Variants in PLCB4 observed in about 807,000 individuals in gnomAD.
PLCB4 encodes the protein 1-phosphatidylinositol 4,5-bisphosphate phosphodiesterase beta-4.
PLCB4 carries 77 observed loss-of-function variants against 178.8 expected under a neutral mutation model. The ratio of observed to expected loss-of-function variants is 0.43; its 90% confidence interval spans 0.36 to 0.52. PLCB4 has a LOEUF of 0.52. PLCB4 is among the 20% of genes least tolerant of loss of function. The pLI is 0.00. For missense variants in PLCB4, 1,024 were observed against 1,453.4 expected (o/e 0.70, Z 4.80); for synonymous variants, 496 against 490.8 (o/e 1.01, Z -0.14).
chr20:9,078,179 C>T lies in PLCB4; in HGVS notation c.-135+8973C>T, dbSNP rs2089966105. On this transcript the variant is annotated intron_variant, in intron 1 of 39. Coordinates refer to ENST00000378473, the MANE Select transcript of PLCB4 (RefSeq NM_001377142.1). Reference sequence around the variant, plus strand: ...CTGTTTTTGTAGAGACAGGGTCTCGCTATGTTGTCCAGGCTGGTGTTGAAC... The same window carrying T: ...CTGTTTTTGTAGAGACAGGGTCTCGTTATGTTGTCCAGGCTGGTGTTGAAC... 3.9e-5 allele frequency among the ~76,000 whole-genome samples: 6 copies of T among 152,144 alleles called. No individual in the cohort carries two copies. The South Asian group carries it at 1.2e-3, about 32-fold the overall frequency.
chr20:9,367,070 C>A (rs1046315662), intron 9 of PLCB4, among the ~76,000 whole-genome samples: 2 of 152,226 alleles, frequency 1.3e-5, no homozygotes, highest in Non-Finnish European at 2.9e-5. Flanking sequence ...TTCTGCTCTG[C>A]AGCTTCCATT....
At chr20:9,216,674 AT>A (rs11479022) in intron 2 of PLCB4, among the ~76,000 whole-genome samples, 143,398 of 152,114 alleles carry the variant, frequency 0.94, 67,684 homozygotes, top group East Asian at 1. Context: ...TAATTTTTGT[AT>A]TTTTTTGTAG....
At chr20:9,142,698 C>T (rs1163935367) in intron 2 of PLCB4, among the ~76,000 whole-genome samples, 1 of 152,162 alleles carries the variant, frequency 6.6e-6, no homozygotes. Flanking sequence ...CCTTCTTCAC[C>T]TGGATTCTGC....
At chr20:9,235,331 A>G (rs2093981544) in intron 3 of PLCB4, among the ~76,000 whole-genome samples, 1 of 152,206 alleles carries the variant, frequency 6.6e-6, no homozygotes, top group Non-Finnish European at 1.5e-5. Flanking sequence ...ATGGACAAAT[A>G]CACAATTGGA....
chr20:9,274,278 A>G (rs969799013), intron 3 of PLCB4, among the ~76,000 whole-genome samples: 1 of 152,054 alleles, frequency 6.6e-6, no homozygotes, highest in African/African-American at 2.4e-5. Flanking sequence ...TTCTAATGCT[A>G]TAGTTTCTTG....
chr20:9,426,765 G>T (rs1314360502), intron 28 of PLCB4, among the ~76,000 whole-genome samples: 1 of 152,048 alleles, frequency 6.6e-6, no homozygotes, highest in Non-Finnish European at 1.5e-5. Context: ...TCCATGTCAT[G>T]AAATATTTTT....
chr20:9,136,122 GCA>G (rs149724181), intron 2 of PLCB4, among the ~76,000 whole-genome samples: 13 of 151,362 alleles, frequency 8.6e-5, no homozygotes, highest in Admixed American at 4.6e-4. Flanking sequence ...ACACATAAAT[GCA>G]CACACACACA....
intron 38 of PLCB4, among the ~76,000 whole-genome samples, chr20:9,476,477 A>G (rs761018058): frequency 2.2e-4 from 34 of 152,306 alleles, no homozygotes; most frequent in Non-Finnish European, 4.4e-4. Flanking sequence ...TTACTGCCAC[A>G]GAAGAGAGGC....
At chr20:9,266,605 G>A (rs556023007) in intron 3 of PLCB4, among the ~76,000 whole-genome samples, 1 of 152,252 alleles carries the variant, frequency 6.6e-6, no homozygotes, top group East Asian at 1.9e-4. Flanking sequence ...GAAAAAAATT[G>A]CTTAATACTG....
intron 9 of PLCB4, among the ~76,000 whole-genome samples, chr20:9,366,418 AGACTT>A (rs1448358823): frequency 2.7e-5 from 4 of 149,976 alleles, no homozygotes; most frequent in Non-Finnish European, 4.4e-5. Flanking sequence ...AAAAAAAAAA[AGACTT>A]GAGTGGAATC....
At chr20:9,413,378 C>T (rs1232957319) in intron 25 of PLCB4, among the ~76,000 whole-genome samples, 1 of 149,534 alleles carries the variant, frequency 6.7e-6, no homozygotes, top group African/African-American at 2.5e-5. Context: ...TTTGGGAGGC[C>T]GAGGCGGGCA....
intron 4 of PLCB4, among the ~76,000 whole-genome samples, chr20:9,333,583 G>A (rs1236098559): frequency 6.6e-6 from 1 of 152,096 alleles, no homozygotes; most frequent in African/African-American, 2.4e-5. Context: ...AAGGAGTTGG[G>A]ATTTTATCCT....
Position 9,082,408 on chromosome 20 carries a change from T to C in PLCB4, c.-135+13202T>C, listed in dbSNP as rs2090197281. On this transcript the variant is annotated intron_variant, in intron 1 of 39. Coordinates refer to ENST00000378473, the MANE Select transcript of PLCB4 (RefSeq NM_001377142.1). ...TTTATTCGTAGTGGTTTGAATCTTG[T>C]GAAAAGAGTGTCTTTGACAGTCTTC... Among the ~76,000 whole-genome samples the C allele has an allele frequency of 2.0e-5, 3 of 152,212 alleles. No homozygotes were observed. In the South Asian group the frequency reaches 6.2e-4, roughly 31 times the overall value.
At chr20:9,257,709 T>A (rs1250902612) in intron 3 of PLCB4, among the ~76,000 whole-genome samples, 2 of 152,102 alleles carry the variant, frequency 1.3e-5, no homozygotes, top group African/African-American at 4.8e-5. Context: ...GGCTTCGAGA[T>A]CTTTCACTAA....
At chr20:9,261,154 G>A (rs1483308510) in intron 3 of PLCB4, among the ~76,000 whole-genome samples, 1 of 151,898 alleles carries the variant, frequency 6.6e-6, no homozygotes, top group Non-Finnish European at 1.5e-5. Flanking sequence ...TCACATTAAT[G>A]TAATGATGTG....
chr20:9,329,646 A>G (rs2031332111), intron 4 of PLCB4, among the ~76,000 whole-genome samples: 1 of 152,210 alleles, frequency 6.6e-6, no homozygotes, highest in African/African-American at 2.4e-5. Flanking sequence ...TGTCCAAAGA[A>G]TCAAAGGCCA....
intron 4 of PLCB4, among the ~76,000 whole-genome samples, chr20:9,333,272 T>C (rs2148035160): frequency 6.6e-6 from 1 of 151,956 alleles, no homozygotes; most frequent in South Asian, 2.1e-4. Flanking sequence ...CTCTTGGAGG[T>C]TGTTGCATTC....
intron 3 of PLCB4, among the ~76,000 whole-genome samples, chr20:9,245,849 G>A (rs998578182): frequency 6.6e-6 from 1 of 151,940 alleles, no homozygotes; most frequent in Non-Finnish European, 1.5e-5. Flanking sequence ...GGCCAGGCTG[G>A]TCTCGAACTC....
chr20:9,292,297 T>A (rs568560242), intron 3 of PLCB4, among the ~76,000 whole-genome samples: 19 of 152,334 alleles, frequency 1.2e-4, no homozygotes, highest in African/African-American at 3.1e-4. Flanking sequence ...ACATATATGA[T>A]TCATGTTGGC....
Sources: gnomAD v4.1 joint callset for allele counts (sites outside exome capture counted in the v4.1 genomes callset) on GRCh38, gnomAD v4.1.1 for gene constraint, MANE v1.5 for transcripts, NCBI Gene and HGNC (gene_info 2026-07-23, HGNC 2026-07-21) for gene names.